The following OSBPL11 variants were observed in gnomAD, a reference collection of about 807,000 sequenced individuals.
The protein encoded by OSBPL11 is oxysterol binding protein like 11, also known as oxysterol-binding protein-related protein 11.
OSBPL11 carries 33 observed loss-of-function variants against 84.4 expected under a neutral mutation model. The observed-to-expected ratio is 0.39, with a 90% confidence interval of 0.30 to 0.52. The LOEUF (loss-of-function observed/expected upper bound fraction) is 0.52, where lower values mean the gene tolerates loss of function less well. Among genes scored for constraint, OSBPL11 ranks in the 20% least tolerant of loss-of-function variants. OSBPL11 has a pLI of 0.72. For synonymous variants in OSBPL11, 276 were observed against 310.2 expected (o/e 0.89, Z 1.16); for missense variants, 736 against 901.1 (o/e 0.82, Z 2.35).
intron 11 of OSBPL11, among the ~76,000 whole-genome samples, chr3:125,532,988 A>AT (rs1935583836): frequency 6.6e-6 from 1 of 151,846 alleles, no homozygotes; most frequent in African/African-American, 2.4e-5. Flanking sequence ...GAAAAGGCAA[A>AT]TTTATAGAGA....
intron 4 of OSBPL11, 81 bp downstream of exon 4, chr3:125,578,879 T>C (rs1278014395): frequency 1.3e-6 from 1 of 789,906 alleles, no homozygotes; most frequent in East Asian, 3.0e-5. Context: ...ATATGAATAG[T>C]ATCTCAATTT....
intron 8 of OSBPL11, 89 bp from the exon 9 acceptor site, chr3:125,552,768 C>T: frequency 7.2e-7 from 1 of 1,398,498 alleles, no homozygotes; most frequent in Non-Finnish European, 9.7e-7. Flanking sequence ...ACATTTCATT[C>T]TAGATGGGTA....
At chr3:125,572,668 G>A (rs991583855) in intron 5 of OSBPL11, among the ~76,000 whole-genome samples, 11 of 151,822 alleles carry the variant, frequency 7.2e-5, no homozygotes, top group African/African-American at 2.7e-4. Context: ...GACGTGACTT[G>A]CTCCCCTCCT....
At chr3:125,542,334 T>G (rs1488332657) in intron 10 of OSBPL11, among the ~76,000 whole-genome samples, 1 of 93,384 alleles carries the variant, frequency 1.1e-5, no homozygotes, top group Non-Finnish European at 2.3e-5. Flanking sequence ...TTTCTTTTCT[T>G]TCTTTTTTTT....
chr3:125,594,072 G>A (rs1213401821), intron 1 of OSBPL11, among the ~76,000 whole-genome samples: 3 of 152,190 alleles, frequency 2.0e-5, no homozygotes, highest in Admixed American at 2.0e-4. Context: ...CCTGAGCAAC[G>A]CAAACTGAAC....
intron 1 of OSBPL11, among the ~76,000 whole-genome samples, chr3:125,593,445 C>A (rs994448374): frequency 1.3e-5 from 2 of 151,946 alleles, no homozygotes; most frequent in African/African-American, 4.8e-5. Flanking sequence ...CATGGTGAAA[C>A]CCCATCTCTA....
intron 8 of OSBPL11, among the ~76,000 whole-genome samples, chr3:125,553,623 CTAGCCT>C (rs1363467841): frequency 3.3e-5 from 5 of 152,140 alleles, no homozygotes. Flanking sequence ...TTCCAAGAAT[CTAGCCT>C]TAGGAAATAA....
intron 5 of OSBPL11, among the ~76,000 whole-genome samples, chr3:125,572,731 A>C (rs2107605322): frequency 6.6e-6 from 1 of 151,626 alleles, no homozygotes. Context: ...CTGTAAGTCC[A>C]TCCAACCTCT....
At chr3:125,587,390 T>A (rs765766583) in intron 1 of OSBPL11, among the ~76,000 whole-genome samples, 4 of 152,120 alleles carry the variant, frequency 2.6e-5, no homozygotes, top group Non-Finnish European at 4.4e-5. Context: ...CAGGGAGATA[T>A]CCAGTAAGGC....
chr3:125,530,694 A>T, intron 12 of OSBPL11, 114 bp from the exon 13 acceptor site: 1 of 860,106 alleles, frequency 1.2e-6, no homozygotes, highest in Non-Finnish European at 1.9e-6. Context: ...TTCAAAAACA[A>T]GTTTTTGTGA....
At position 125,556,690 on chromosome 3, in the gene OSBPL11, A is replaced by G. The variant is rs1935995429; in HGVS notation, c.1155+3689T>C. Among the ~76,000 whole-genome samples, 7 of 152,332 alleles carry G rather than the reference A, an allele frequency of 4.6e-5. No homozygotes were observed. The South Asian group carries it at 1.4e-3, about 32-fold the overall frequency. Reference sequence around the variant, plus strand: ...TTTTTCTGGGAGCTGCTTTCTACAAATGGCAACACAGTCCTTTCCTTATGC... The same window carrying G: ...TTTTTCTGGGAGCTGCTTTCTACAAGTGGCAACACAGTCCTTTCCTTATGC... On this transcript the variant is annotated intron_variant, in intron 8 of 12. Coordinates refer to ENST00000296220, the MANE Select transcript of OSBPL11 (RefSeq NM_022776.5).
intron 9 of OSBPL11, among the ~76,000 whole-genome samples, chr3:125,551,946 G>A (rs1935915144): frequency 6.6e-6 from 1 of 151,894 alleles, no homozygotes; most frequent in South Asian, 2.1e-4. Flanking sequence ...TTTAAACTTA[G>A]AGTTAATATT....
At chr3:125,572,886 A>G (rs916858823) in intron 5 of OSBPL11, among the ~76,000 whole-genome samples, 2 of 146,098 alleles carry the variant, frequency 1.4e-5, no homozygotes, top group African/African-American at 5.0e-5. Context: ...TTTTATATAT[A>G]TAAAATATGT....
intron 10 of OSBPL11, among the ~76,000 whole-genome samples, chr3:125,543,932 C>G (rs1261512422): frequency 6.6e-6 from 1 of 152,082 alleles, no homozygotes; most frequent in Admixed American, 6.6e-5. Flanking sequence ...AAAATAACCA[C>G]TTTGTTATCT....
intron 7 of OSBPL11, among the ~76,000 whole-genome samples, chr3:125,561,043 C>T (rs993271967): frequency 6.6e-6 from 1 of 151,874 alleles, no homozygotes; most frequent in South Asian, 2.1e-4. Flanking sequence ...TGCTCTGTTG[C>T]CTGGGCTGGA....
At chr3:125,533,191 C>A (rs1443428252) in intron 11 of OSBPL11, among the ~76,000 whole-genome samples, 1 of 148,576 alleles carries the variant, frequency 6.7e-6, no homozygotes, top group Non-Finnish European at 1.5e-5. Context: ...CTCTTCCTCC[C>A]CTTCCCTCCC....
In OSBPL11 at chr3:125,574,005, A is replaced by G. The variant is rs192322845; in HGVS notation, c.666+2184T>C. On this transcript the variant is annotated intron_variant, in intron 5 of 12. Transcript: ENST00000296220. Reference sequence around the variant, plus strand: ...ACACCAATTTATATCTTTGCATCACAACCTCCTGGAACTGGATAATTCTAG... The same window carrying G: ...ACACCAATTTATATCTTTGCATCACGACCTCCTGGAACTGGATAATTCTAG... 4.0e-3 allele frequency among the ~76,000 whole-genome samples: 609 copies of G among 152,270 alleles called. 1 individual carries two copies. Among genetic ancestry groups the G allele is most frequent in the Non-Finnish European group, 6.3e-3 (431 of 68,030 alleles).
intron 8 of OSBPL11, among the ~76,000 whole-genome samples, chr3:125,555,050 G>A (rs1935971449): frequency 6.6e-6 from 1 of 152,338 alleles, no homozygotes; most frequent in South Asian, 2.1e-4. Flanking sequence ...AGTGGATTGG[G>A]AGAGGCAGAC....
intron 10 of OSBPL11, among the ~76,000 whole-genome samples, chr3:125,542,560 G>T (rs1316639744): frequency 6.7e-6 from 1 of 149,474 alleles, no homozygotes; most frequent in Admixed American, 6.7e-5. Flanking sequence ...CCAGGCTGGA[G>T]TGCAGTGGCA....
Sources: allele counts gnomAD v4.1 joint callset (sites outside exome capture counted in the v4.1 genomes callset), GRCh38; gene constraint gnomAD v4.1.1; transcripts MANE v1.5; gene names NCBI Gene and HGNC (gene_info 2026-07-23, HGNC 2026-07-21).